Variants in ANO4 observed in about 807,000 individuals in gnomAD.
ANO4 encodes anoctamin-4.
In ANO4, 69 loss-of-function variants were observed where a neutral mutation model predicts 141.9. The observed-to-expected ratio is 0.49, with a 90% confidence interval of 0.40 to 0.59. The LOEUF (loss-of-function observed/expected upper bound fraction) is 0.59. Among genes scored for constraint, ANO4 ranks in the 20% least tolerant of loss-of-function variants. The pLI, the probability that ANO4 is intolerant of heterozygous loss-of-function variation, is 0.00. For synonymous variants in ANO4, 350 were observed against 394.3 expected (o/e 0.89, Z 1.33); for missense variants, 894 against 1,162.2 (o/e 0.77, Z 3.36).
chr12:100,971,580 GC>G (rs2043936712), intron 6 of ANO4, among the ~76,000 whole-genome samples, 174 bp downstream of exon 6: 1 of 152,162 alleles, frequency 6.6e-6, no homozygotes, highest in African/African-American at 2.4e-5. Context: ...TGATTTCATG[GC>G]TTTTTGTGAA....
chr12:101,007,070 G>A (rs1343006605), intron 8 of ANO4, among the ~76,000 whole-genome samples: 1 of 152,130 alleles, frequency 6.6e-6, no homozygotes, highest in African/African-American at 2.4e-5. Flanking sequence ...GACAAATAGT[G>A]GGCCAGGCAC....
intron 3 of ANO4, among the ~76,000 whole-genome samples, chr12:100,770,344 C>T (rs1162520938): frequency 6.6e-6 from 1 of 152,212 alleles, no homozygotes; most frequent in Non-Finnish European, 1.5e-5. Context: ...TTCTTAGACA[C>T]TAAAGTTTGA....
At chr12:100,994,252 ACT>A (rs1282461353) in intron 8 of ANO4, among the ~76,000 whole-genome samples, 1 of 152,050 alleles carries the variant, frequency 6.6e-6, no homozygotes, top group African/African-American at 2.4e-5. Context: ...GATAAATTAA[ACT>A]CTATTTGAAT....
chr12:101,109,794 TTCC>T (rs2050593323), intron 22 of ANO4, among the ~76,000 whole-genome samples: 1 of 152,152 alleles, frequency 6.6e-6, no homozygotes, highest in Admixed American at 6.5e-5. Flanking sequence ...ATTTTCATAG[TTCC>T]TCCTATGTTG....
At chr12:101,060,612 T>C (rs1223137363) in intron 14 of ANO4, among the ~76,000 whole-genome samples, 1 of 152,264 alleles carries the variant, frequency 6.6e-6, no homozygotes, top group Non-Finnish European at 1.5e-5. Flanking sequence ...CTTGTTGCAT[T>C]GATCCCTTTA....
At chr12:101,055,501 A>G (rs1375739355) in intron 14 of ANO4, among the ~76,000 whole-genome samples, 1 of 152,104 alleles carries the variant, frequency 6.6e-6, no homozygotes, top group African/African-American at 2.4e-5. Context: ...TGCTCAGATC[A>G]TTTGTCCATT....
At chr12:101,020,375 A>G (rs2046474509) in intron 9 of ANO4, among the ~76,000 whole-genome samples, 1 of 152,262 alleles carries the variant, frequency 6.6e-6, no homozygotes, top group Admixed American at 6.5e-5. Context: ...CTCTCATTTT[A>G]GAAAATGTTG....
chr12:100,922,468 C>T, intron 3 of ANO4, 138 bp downstream of exon 3: 1 of 588,928 alleles, frequency 1.7e-6, no homozygotes, highest in South Asian at 2.8e-5. Context: ...AGATACTGTG[C>T]AAAATAATTT....
At chr12:100,775,873 C>A (rs1198732212) in intron 3 of ANO4, among the ~76,000 whole-genome samples, 1 of 151,620 alleles carries the variant, frequency 6.6e-6, no homozygotes, top group Non-Finnish European at 1.5e-5. Context: ...GGCTTTCCCC[C>A]AGCTGTTGTG....
At chr12:100,929,658 T>C (rs2042011139) in intron 3 of ANO4, among the ~76,000 whole-genome samples, 1 of 152,048 alleles carries the variant, frequency 6.6e-6, no homozygotes, top group Non-Finnish European at 1.5e-5. Flanking sequence ...CATATGGAAG[T>C]TCTATTTTTA....
intron 24 of ANO4, among the ~76,000 whole-genome samples, chr12:101,115,040 A>G (rs2050800022): frequency 6.6e-6 from 1 of 152,090 alleles, no homozygotes; most frequent in South Asian, 2.1e-4. Flanking sequence ...TCATGTCATC[A>G]TTTTGGTTTA....
chr12:100,778,661 C>G (rs889356812), intron 3 of ANO4, among the ~76,000 whole-genome samples: 11 of 152,130 alleles, frequency 7.2e-5, no homozygotes, highest in African/African-American at 2.7e-4. Flanking sequence ...GTTAATGTTA[C>G]CTCTCTTGCC....
intron 1 of ANO4, among the ~76,000 whole-genome samples, chr12:100,886,379 G>GTGC (rs1565971669): frequency 1.3e-5 from 2 of 151,640 alleles, no homozygotes; most frequent in African/African-American, 4.9e-5. Flanking sequence ...TGTGAAGATC[G>GTGC]TTGCTTTCAG....
chr12:100,753,791 A>T (rs1265454732), intron 3 of ANO4, among the ~76,000 whole-genome samples: 1 of 152,226 alleles, frequency 6.6e-6, no homozygotes, highest in Non-Finnish European at 1.5e-5. Flanking sequence ...AGTACAGTAC[A>T]TGTCAAAAAT....
rs921084542 is a variant in ANO4, at chr12:100,939,433, A to G, written c.279A>G (p.Arg93=). 1.9e-6 allele frequency: 3 copies of G among 1,613,422 alleles called. No individual in the cohort carries two copies. The highest frequency in any genetic ancestry group is 2.7e-5 in the African/African-American group (2 of 74,898). ...NLTSTSDDAS[R]LEAGGETVPE... ...CTAGTACTTCAGATGATGCCAGCAGATTGGAAGCCGGGGGAGAGGTAAGAG... is the reference window on the plus strand; with the variant it reads ...CTAGTACTTCAGATGATGCCAGCAGGTTGGAAGCCGGGGGAGAGGTAAGAG... Residue 93 remains arginine, a synonymous_variant, in exon 4 of 28, where the codon AGA becomes AGG. Coordinates refer to ENST00000392977, the MANE Select transcript of ANO4 (RefSeq NM_001286615.2).
chr12:101,002,105 T>C (rs1473979534), intron 8 of ANO4, among the ~76,000 whole-genome samples: 2 of 152,166 alleles, frequency 1.3e-5, no homozygotes, highest in Non-Finnish European at 2.9e-5. Flanking sequence ...ATTGCCTTAG[T>C]GGAAGCAGCC....
At chr12:100,883,860 A>AGGG (rs2039690330) in intron 1 of ANO4, among the ~76,000 whole-genome samples, 1 of 152,208 alleles carries the variant, frequency 6.6e-6, no homozygotes, top group Non-Finnish European at 1.5e-5. Flanking sequence ...CTAAATAAGT[A>AGGG]GGGGGTAAAT....
At chr12:100,866,033 G>T (rs372947802) in intron 1 of ANO4, among the ~76,000 whole-genome samples, 14 of 152,168 alleles carry the variant, frequency 9.2e-5, no homozygotes, top group Non-Finnish European at 1.9e-4. Context: ...GAAGCCACAC[G>T]GCAGGGGAGC....
At chr12:100,977,833 C>A (rs903639393) in intron 7 of ANO4, among the ~76,000 whole-genome samples, 2 of 152,138 alleles carry the variant, frequency 1.3e-5, no homozygotes, top group African/African-American at 4.8e-5. Context: ...TAATTACAGC[C>A]CTTTATAAAC....
Sources: gnomAD v4.1 joint callset for allele counts (sites outside exome capture counted in the v4.1 genomes callset) on GRCh38, gnomAD v4.1.1 for gene constraint, MANE v1.5 for transcripts, NCBI Gene and HGNC (gene_info 2026-07-23, HGNC 2026-07-21) for gene names.